The following OSBP2 variants were observed in gnomAD, a reference collection of about 807,000 sequenced individuals.
OSBP2 encodes the protein oxysterol binding protein 2.
Under a neutral mutation model 96.0 loss-of-function variants are expected in OSBP2, and 66 were observed. The ratio of observed to expected loss-of-function variants is 0.69; its 90% CI spans 0.56 to 0.84. The LOEUF is 0.84. Among genes scored for constraint, OSBP2 ranks in the 40% least tolerant of loss-of-function variants. OSBP2 has a pLI of 0.00. For missense variants in OSBP2, 1,038 were observed against 1,222.7 expected, an observed-to-expected ratio of 0.85 and a Z score of 2.25; for synonymous variants, 525 against 520.9, an observed-to-expected ratio of 1.01 and a Z score of -0.11.
chr22:30,701,529 C>G (rs886221474), intron 1 of OSBP2, among the ~76,000 whole-genome samples: 10 of 151,734 alleles, frequency 6.6e-5, no homozygotes, highest in Non-Finnish European at 1.3e-4. Context: ...ATTTTTAGTA[C>G]AGACGGGGTT....
Position 30,796,698 on chromosome 22 carries a change from G to A in OSBP2, c.853+55329G>A, listed in dbSNP as rs188263445. Among the ~76,000 whole-genome samples the A allele has an allele frequency of 7.2e-4, 109 of 152,036 alleles. 4 individuals are homozygous for A. The East Asian group carries it at 0.018, about 25-fold the overall frequency. On this transcript the variant is annotated intron_variant, in intron 2 of 13. Coordinates refer to ENST00000332585, the MANE Select transcript of OSBP2 (RefSeq NM_030758.4). The stretch of plus-strand genomic sequence containing the variant: ...TTTTTATATTTTTAGTAGAGACAGG[G>A]GGGTTCACCATGTTGACCAGGTTGG...
At chr22:30,715,652 A>G (rs2089440013) in intron 1 of OSBP2, among the ~76,000 whole-genome samples, 1 of 151,634 alleles carries the variant, frequency 6.6e-6, no homozygotes, top group Admixed American at 6.6e-5. Flanking sequence ...CCTGGGTTCA[A>G]GCGATTCTCC....
At chr22:30,872,080 G>A (rs1458165479) in intron 3 of OSBP2, among the ~76,000 whole-genome samples, 1 of 152,218 alleles carries the variant, frequency 6.6e-6, no homozygotes, top group African/African-American at 2.4e-5. Context: ...CACAGTGCTG[G>A]GGGGTGGGGG....
chr22:30,841,210 CA>C, intron 2 of OSBP2, among the ~76,000 whole-genome samples: 1 of 151,970 alleles, frequency 6.6e-6, no homozygotes. Flanking sequence ...ATAAAGTGTA[CA>C]ATGTCTTTTA....
chr22:30,889,170 T>C lies in OSBP2; in HGVS notation c.1419-7T>C. 6 of 1,613,054 alleles carry C rather than the reference T, an allele frequency of 3.7e-6. No individual in the cohort carries two copies. The highest frequency in any genetic ancestry group is 4.2e-6 in the Non-Finnish European group (5 of 1,179,572). ...TTAGTAACTTGCCTCCCGCTTTGTA[T>C]TTCCAGCAGAAAAGCTGAAGGTAGC... On this transcript the variant is annotated splice_region_variant and splice_polypyrimidine_tract_variant and intron_variant, in intron 5 of 13. Coordinates refer to ENST00000332585, the MANE Select transcript of OSBP2 (RefSeq NM_030758.4).
intron 2 of OSBP2, among the ~76,000 whole-genome samples, chr22:30,757,038 G>C (rs1020747458): frequency 6.7e-6 from 1 of 149,982 alleles, no homozygotes; most frequent in Non-Finnish European, 1.5e-5. Context: ...TCTGCTGTGC[G>C]TTGACACCTC....
intron 1 of OSBP2, among the ~76,000 whole-genome samples, chr22:30,726,158 C>T (rs1454547603): frequency 6.6e-6 from 1 of 152,158 alleles, no homozygotes; most frequent in Admixed American, 6.5e-5. Context: ...TGCTGTGCTT[C>T]ATAAATTACT....
At chr22:30,899,379 G>C (rs554761169) in intron 12 of OSBP2, among the ~76,000 whole-genome samples, 1 of 150,306 alleles carries the variant, frequency 6.7e-6, no homozygotes, top group Non-Finnish European at 1.5e-5. Context: ...ATACCAGCCT[G>C]GGTGACAAAG....
chr22:30,766,606 A>G (rs1016694233), intron 2 of OSBP2, among the ~76,000 whole-genome samples: 4 of 152,068 alleles, frequency 2.6e-5, no homozygotes, highest in African/African-American at 9.7e-5. Context: ...AAACCCTCCA[A>G]AAAGCAGATG....
At chr22:30,807,564 G>T (rs1256806843) in intron 2 of OSBP2, among the ~76,000 whole-genome samples, 1 of 152,154 alleles carries the variant, frequency 6.6e-6, no homozygotes, top group Non-Finnish European at 1.5e-5. Flanking sequence ...AGGGCTTTCT[G>T]CAGACTGGCC....
At chr22:30,810,835 C>G (rs1256379188) in intron 2 of OSBP2, among the ~76,000 whole-genome samples, 3 of 152,140 alleles carry the variant, frequency 2.0e-5, no homozygotes, top group Non-Finnish European at 4.4e-5. Flanking sequence ...GCCCTCCTGC[C>G]CAAAAACTCA....
At position 30,857,777 on chromosome 22, in the gene OSBP2, A is replaced by G. The variant is rs530802226; in HGVS notation, c.854-12652A>G. Among the ~76,000 whole-genome samples, 282 of 152,328 alleles carry G rather than the reference A, an allele frequency of 1.9e-3. 3 individuals carry two copies. The highest frequency in any genetic ancestry group is 0.016 in the South Asian group (79 of 4,816). ...GGTCTGCTTGAGTCATGAAAGGGAA[A>G]GGCATCTCTTACTCGGAGTAAACTA... On this transcript the variant is annotated intron_variant, in intron 2 of 13. Coordinates refer to ENST00000332585, the MANE Select transcript of OSBP2 (RefSeq NM_030758.4).
intron 8 of OSBP2, 148 bp from the exon 9 acceptor site, chr22:30,892,974 C>A: frequency 9.9e-7 from 1 of 1,009,806 alleles, no homozygotes; most frequent in Non-Finnish European, 1.4e-6. Flanking sequence ...GCCTTGGGTC[C>A]ATGGCCACCT....
chr22:30,720,979 CTG>C (rs1241892911), intron 1 of OSBP2, among the ~76,000 whole-genome samples: 1 of 152,144 alleles, frequency 6.6e-6, no homozygotes, highest in Non-Finnish European at 1.5e-5. Context: ...AATCCCAACA[CTG>C]TGGGAGGCCG....
intron 2 of OSBP2, among the ~76,000 whole-genome samples, chr22:30,797,063 A>G (rs2090774879): frequency 6.6e-6 from 1 of 152,068 alleles, no homozygotes; most frequent in Non-Finnish European, 1.5e-5. Context: ...GGATTTGACT[A>G]TTCTAGGTAC....
At chr22:30,837,261 CAAAAA>C (rs34674333) in intron 2 of OSBP2, among the ~76,000 whole-genome samples, 1 of 110,834 alleles carries the variant, frequency 9.0e-6, no homozygotes. Flanking sequence ...GACTCTGTCT[CAAAAA>C]AAAAAAAAAA....
At chr22:30,779,113 G>A (rs575371632) in intron 2 of OSBP2, among the ~76,000 whole-genome samples, 14 of 151,050 alleles carry the variant, frequency 9.3e-5, no homozygotes, top group Non-Finnish European at 2.1e-4. Context: ...ACAGAATTTC[G>A]CTTTTTTGCC....
At chr22:30,861,873 G>A (rs1050235615) in intron 2 of OSBP2, among the ~76,000 whole-genome samples, 5 of 152,124 alleles carry the variant, frequency 3.3e-5, no homozygotes, top group African/African-American at 4.8e-5. Flanking sequence ...CTCAGGGTCC[G>A]AGCGCTGGCC....
At chr22:30,891,455 GC>G (rs1392384510) in intron 8 of OSBP2, among the ~76,000 whole-genome samples, 2 of 152,218 alleles carry the variant, frequency 1.3e-5, no homozygotes, top group Non-Finnish European at 2.9e-5. Flanking sequence ...AGCAGTGGCA[GC>G]CCCATGCTGA....
Sources: allele counts gnomAD v4.1 joint callset (sites outside exome capture counted in the v4.1 genomes callset), GRCh38; gene constraint gnomAD v4.1.1; transcripts MANE v1.5; gene names NCBI Gene and HGNC (gene_info 2026-07-23, HGNC 2026-07-21).